STX7: variants seen among roughly 807,000 people sequenced by gnomAD.
The protein encoded by STX7 is syntaxin-7.
A neutral mutation model predicts 39.6 loss-of-function variants in STX7; 34 were observed. The ratio of observed to expected loss-of-function variants is 0.86; its 90% CI spans 0.65 to 1.14. The LOEUF (loss-of-function observed/expected upper bound fraction) is 1.14, where lower values mean the gene tolerates loss of function less well. Ranked by LOEUF, STX7 falls within the 50% of genes most tolerant of loss-of-function variation. The pLI is 0.00. For missense variants in STX7, 284 were observed against 310.4 expected, an observed-to-expected ratio of 0.92 and a Z score of 0.64; for synonymous variants, 119 against 99.1, an observed-to-expected ratio of 1.20 and a Z score of -1.19.
intron 3 of STX7, among the ~76,000 whole-genome samples, chr6:132,473,517 G>GTTTTTTTTTTTTTTTTTT (rs752590497): frequency 1.2e-4 from 15 of 125,782 alleles, no homozygotes; most frequent in Non-Finnish European, 1.5e-4. Flanking sequence ...TTATTATTGT[G>GTTTTTTTTTTTTTTTTTT]TTGTTTTTTT....
chr6:132,475,468 G>A (rs1774850137), intron 3 of STX7, 125 bp downstream of exon 3: 2 of 557,556 alleles, frequency 3.6e-6, no homozygotes, highest in Non-Finnish European at 5.8e-6. Flanking sequence ...TAAGGTAGCA[G>A]AAAAACTCCA....
intron 1 of STX7, among the ~76,000 whole-genome samples, chr6:132,506,831 T>A (rs1305642163): frequency 6.6e-6 from 1 of 152,114 alleles, no homozygotes; most frequent in Admixed American, 6.5e-5. Context: ...AAAAAGATAA[T>A]CTGCACTCAT....
intron 2 of STX7, among the ~76,000 whole-genome samples, chr6:132,484,627 A>G (rs145956112): frequency 1.3e-5 from 2 of 152,340 alleles, no homozygotes; most frequent in African/African-American, 4.8e-5. Flanking sequence ...AACGTAAAAT[A>G]ACCAACTTGT....
At chr6:132,492,303 C>T (rs1775310337) in intron 2 of STX7, among the ~76,000 whole-genome samples, 1 of 152,126 alleles carries the variant, frequency 6.6e-6, no homozygotes, top group Admixed American at 6.5e-5. Context: ...CCCCGTGCAC[C>T]CTATTTATCA....
At chr6:132,492,795 T>C (rs1164286859) in intron 2 of STX7, among the ~76,000 whole-genome samples, 1 of 152,092 alleles carries the variant, frequency 6.6e-6, no homozygotes, top group Admixed American at 6.5e-5. Context: ...AAGTAAACAG[T>C]TAATTAAAAA....
At position 132,501,906 on chromosome 6, in the gene STX7, C is replaced by A. The variant is rs556179907; in HGVS notation, c.85+1540G>T. ...AAAAAAAAAGAAAAGGAAAGAGGCT[C>A]TTCTGTGGCCACCATCAGAACAGAT... is the stretch of plus-strand genomic sequence containing the variant. On this transcript the variant is annotated intron_variant, in intron 2 of 9. Coordinates refer to ENST00000367941, the MANE Select transcript of STX7 (RefSeq NM_003569.3). Among the ~76,000 whole-genome samples, 13 of 152,082 alleles carry A rather than the reference C, an allele frequency of 8.5e-5. No homozygotes were observed. In the South Asian group the frequency reaches 2.3e-3, roughly 27 times the overall value.
intron 1 of STX7, among the ~76,000 whole-genome samples, chr6:132,506,643 T>C (rs770481038): frequency 2.0e-5 from 3 of 152,100 alleles, no homozygotes; most frequent in Non-Finnish European, 4.4e-5. Flanking sequence ...CAAGTACAGA[T>C]GTTGGCAAGA....
intron 2 of STX7, among the ~76,000 whole-genome samples, chr6:132,497,474 G>A (rs1775445614): frequency 6.6e-6 from 1 of 152,096 alleles, no homozygotes; most frequent in Non-Finnish European, 1.5e-5. Context: ...TGACATTTGT[G>A]GTAATACAAT....
At chr6:132,468,646 TAAG>T in intron 7 of STX7, among the ~76,000 whole-genome samples, 171 bp from the exon 8 acceptor site, 1 of 152,084 alleles carries the variant, frequency 6.6e-6, no homozygotes, top group Non-Finnish European at 1.5e-5. Context: ...TGACAATAAT[TAAG>T]AAGAATTTGA....
At chr6:132,477,816 G>C (rs1341972004) in intron 2 of STX7, among the ~76,000 whole-genome samples, 2 of 152,152 alleles carry the variant, frequency 1.3e-5, no homozygotes, top group Non-Finnish European at 2.9e-5. Flanking sequence ...GATGAGGAAA[G>C]AGGTTAAACT....
intron 2 of STX7, among the ~76,000 whole-genome samples, chr6:132,481,111 T>C (rs1349364079): frequency 6.6e-6 from 1 of 151,860 alleles, no homozygotes; most frequent in South Asian, 2.1e-4. Context: ...GGGAAAGGAG[T>C]TCTCGTTGCA....
intron 2 of STX7, among the ~76,000 whole-genome samples, chr6:132,477,709 C>T (rs1178900922): frequency 6.6e-6 from 1 of 151,938 alleles, no homozygotes; most frequent in Non-Finnish European, 1.5e-5. Flanking sequence ...CATAAAATAA[C>T]TTGGTTAAAT....
At position 132,504,891 on chromosome 6, in the gene STX7, G is replaced by A. The variant is rs1001008787; in HGVS notation, c.-58-1303C>T. Among the ~76,000 whole-genome samples the A allele has an allele frequency of 1.3e-4, 20 of 152,236 alleles. 1 individual carries two copies. Among genetic ancestry groups the A allele is most frequent in the Admixed American group, 1.3e-3 (20 of 15,286 alleles). On this transcript the variant is annotated intron_variant, in intron 1 of 9. Transcript: ENST00000367941. ...CAGTATGCAGAACAACAAAGGCAAG[G>A]ACGTGAAGGCTGGGGTGGAGAGACC...
At chr6:132,494,499 C>A (rs547619129) in intron 2 of STX7, among the ~76,000 whole-genome samples, 12 of 152,168 alleles carry the variant, frequency 7.9e-5, no homozygotes, top group African/African-American at 2.7e-4. Context: ...GAAGACATTG[C>A]TAAACAAGTG....
chr6:132,459,348 C>A lies in STX7; in HGVS notation c.*1410G>T, dbSNP rs951733410. On this transcript the variant is annotated 3_prime_UTR_variant, in exon 10 of 10. Transcript: ENST00000367941. ...ACAAAGTAGGTAAAATCGATGACAC[C>A]CTAAAATAAAAACCTGGAGTGAACT... is the stretch of plus-strand genomic sequence containing the variant. The A allele has an allele frequency of 5.3e-5, 8 of 152,112 alleles. No homozygotes were observed. The highest frequency in any genetic ancestry group is 1.0e-4 in the Non-Finnish European group (7 of 68,030). The allele number at this position is 152,112 out of a possible 1,614,324, so 9.4% of individuals were successfully genotyped here.
intron 2 of STX7, among the ~76,000 whole-genome samples, chr6:132,495,027 G>T (rs1775388994): frequency 6.6e-6 from 1 of 152,126 alleles, no homozygotes; most frequent in African/African-American, 2.4e-5. Flanking sequence ...ATTAAACAGA[G>T]GGAGTGAAGA....
At position 132,469,454 on chromosome 6, in the gene STX7, T is replaced by C. The variant is rs145067450; in HGVS notation, c.537+497A>G. ...TAGGAGGGAGTATGATCCCTCGTCC[T>C]AGCACAAACAGTAAGGACAATATTA... On this transcript the variant is annotated intron_variant, in intron 7 of 9. Transcript: ENST00000367941. Among the ~76,000 whole-genome samples the C allele has an allele frequency of 2.7e-3, 404 of 152,298 alleles. 1 individual carries two copies. Among genetic ancestry groups the C allele is most frequent in the African/African-American group, 9.2e-3 (381 of 41,556 alleles).
intron 2 of STX7, among the ~76,000 whole-genome samples, chr6:132,483,527 A>G (rs952315765): frequency 1.3e-5 from 2 of 152,162 alleles, no homozygotes; most frequent in Non-Finnish European, 1.5e-5. Flanking sequence ...CTATTCACCC[A>G]TCATAGGTGC....
Position 132,456,238 on chromosome 6 carries a change from G to T in STX7, c.*4520C>A, listed in dbSNP as rs370578761. 8 of 152,130 alleles carry T rather than the reference G, an allele frequency of 5.3e-5. No individual in the cohort carries two copies. Among genetic ancestry groups the T allele is most frequent in the African/African-American group, 1.9e-4 (8 of 41,440 alleles). 9.4% of individuals were successfully genotyped at this position (152,130 alleles called of 1,614,324 possible). On this transcript the variant is annotated 3_prime_UTR_variant, in exon 10 of 10. Coordinates refer to ENST00000367941, the MANE Select transcript of STX7 (RefSeq NM_003569.3). Reference sequence around the variant, plus strand: ...TCTGGTAGTCTGTCAATTAAGAAAAGAAAATGAAATTCAGTTACTTAGTAA... The same window carrying T: ...TCTGGTAGTCTGTCAATTAAGAAAATAAAATGAAATTCAGTTACTTAGTAA...
Sources: gnomAD v4.1 joint callset for allele counts (sites outside exome capture counted in the v4.1 genomes callset) on GRCh38, gnomAD v4.1.1 for gene constraint, MANE v1.5 for transcripts, NCBI Gene and HGNC (gene_info 2026-07-23, HGNC 2026-07-21) for gene names.